Variants in KIF27 observed in about 807,000 individuals in gnomAD.
The protein encoded by KIF27 is kinesin-like protein KIF27.
In KIF27, 84 loss-of-function variants were observed where a neutral mutation model predicts 141.8. The observed-to-expected ratio is 0.59, with a 90% CI of 0.50 to 0.71. The LOEUF (loss-of-function observed/expected upper bound fraction) is 0.71. Ranked by LOEUF, KIF27 falls within the 30% of genes least tolerant of loss-of-function variation. The pLI is 0.00. For missense variants in KIF27, 1,306 were observed against 1,628.4 expected, an observed-to-expected ratio of 0.80 and a Z score of 3.41; for synonymous variants, 471 against 569.5, an observed-to-expected ratio of 0.83 and a Z score of 2.46.
chr9:83,845,055 A>G (rs419250), intron 16 of KIF27, among the ~76,000 whole-genome samples: 48,812 of 152,016 alleles, frequency 0.32, 8,657 homozygotes, highest in African/African-American at 0.48. Context: ...CACTTGGGCC[A>G]TATGACCCAG....
intron 10 of KIF27, among the ~76,000 whole-genome samples, chr9:83,881,948 C>G (rs1163388165): frequency 6.6e-6 from 1 of 152,146 alleles, no homozygotes; most frequent in African/African-American, 2.4e-5. Flanking sequence ...TAACGCTCTA[C>G]ATATACCTAA....
In KIF27 at chr9:83,870,524, G is replaced by T. The variant is rs1304226749; in HGVS notation, c.2752C>A (p.Leu918Ile). The change falls in exon 12 of 18, where the codon CTC (leucine) becomes ATC (isoleucine). Residue 918 changes from leucine (L) to isoleucine (I), a missense_variant. Around this residue, in one of 4 missense-constraint regions of KIF27, gnomAD observed 596 missense variants for 751.6 expected, o/e 0.79. Coordinates refer to ENST00000297814, the MANE Select transcript of KIF27 (RefSeq NM_017576.4). ...ACTAAATAGAATTGACAAACCTGGA[G>T]ATGGTCTATACTTCCAAACGAACCT... ...RKGSFGSIDHLQKLDEQKKWL... is the reference protein window; with the variant it reads ...RKGSFGSIDHIQKLDEQKKWL... The T allele has an allele frequency of 6.2e-7, 1 of 1,613,616 alleles. No homozygotes were observed. The highest frequency in any genetic ancestry group is 8.5e-7 in the Non-Finnish European group (1 of 1,179,774).
intron 15 of KIF27, among the ~76,000 whole-genome samples, chr9:83,850,681 G>A (rs1203971094): frequency 6.6e-6 from 1 of 151,058 alleles, no homozygotes; most frequent in Non-Finnish European, 1.5e-5. Context: ...TACTTGGGAG[G>A]CTGAAGCAGG....
chr9:83,888,629 T>C (rs1283641040), intron 7 of KIF27, 37 bp from the exon 8 acceptor site: 3 of 1,237,802 alleles, frequency 2.4e-6, no homozygotes, highest in Non-Finnish European at 3.5e-6. Context: ...TATTTGTTCG[T>C]GTTTTCTAAT....
At position 83,846,401 on chromosome 9, in the gene KIF27, T is replaced by C. The variant is rs543693613; in HGVS notation, c.3556+3698A>G. The stretch of plus-strand genomic sequence containing the variant: ...TCACCTCTGACCAAGTTACTCACTT[T>C]ATGGCTAAAGAAGTGTGGCAGTGGG... On this transcript the variant is annotated intron_variant, in intron 16 of 17. Coordinates refer to ENST00000297814, the MANE Select transcript of KIF27 (RefSeq NM_017576.4). 7.9e-5 allele frequency among the ~76,000 whole-genome samples: 12 copies of C among 152,312 alleles called. No individual in the cohort carries two copies. In the East Asian group the frequency reaches 2.3e-3, roughly 29 times the overall value.
intron 1 of KIF27, among the ~76,000 whole-genome samples, chr9:83,919,800 C>A (rs1315542300): frequency 1.3e-5 from 2 of 151,792 alleles, no homozygotes; most frequent in Non-Finnish European, 2.9e-5. Flanking sequence ...AAGGCTGAAG[C>A]GAGAGGATCC....
intron 6 of KIF27, 132 bp downstream of exon 6, chr9:83,891,163 G>T: frequency 1.6e-6 from 1 of 628,758 alleles, no homozygotes; most frequent in Non-Finnish European, 2.8e-6. Flanking sequence ...ATGCTTAAAA[G>T]AAAAGGTATA....
intron 11 of KIF27, among the ~76,000 whole-genome samples, chr9:83,878,091 G>A (rs536112274): frequency 6.7e-6 from 1 of 148,236 alleles, no homozygotes; most frequent in Admixed American, 6.9e-5. Context: ...GTGAACTCAG[G>A]AGGCGGAGCT....
chr9:83,841,875 T>G (rs1392007062), intron 17 of KIF27, among the ~76,000 whole-genome samples: 1 of 152,178 alleles, frequency 6.6e-6, no homozygotes, highest in African/African-American at 2.4e-5. Flanking sequence ...ATACAAACTT[T>G]TACTCTTACC....
chr9:83,858,685 A>G (rs1004079449), intron 14 of KIF27: 6 of 156,018 alleles, frequency 3.8e-5, no homozygotes, highest in African/African-American at 1.4e-4. Context: ...TTGGCTGGAC[A>G]TAGTATGGAC....
rs1254735173 is a variant in KIF27, at chr9:83,835,725, C to T, written c.*1276G>A. On this transcript the variant is annotated 3_prime_UTR_variant, in exon 18 of 18. Transcript: ENST00000297814. ...GAAAAGGTCTGTAGCAGCACTACAT[C>T]AGAAAAAAATGGATTCAGCAAGGAA... 1 of 152,146 alleles carries T rather than the reference C, an allele frequency of 6.6e-6. No individual in the cohort carries two copies. The highest frequency in any genetic ancestry group is 1.9e-4 in the East Asian group (1 of 5,176). The allele number at this position is 152,146 out of a possible 1,614,324, so 9.4% of individuals were successfully genotyped here.
intron 1 of KIF27, among the ~76,000 whole-genome samples, chr9:83,919,542 T>C (rs553896529): frequency 1.3e-5 from 2 of 151,664 alleles, no homozygotes; most frequent in East Asian, 3.9e-4. Flanking sequence ...TAGACTGAAA[T>C]AATATTTTAT....
Position 83,883,925 on chromosome 9 carries a change from G to A in KIF27, c.2333C>T (p.Thr778Ile), listed in dbSNP as rs551413413. ...TTCCAGCTCCTGTAGCTGCTTTTGT[G>A]TTTCAATCAGTTCGACTTTTGCCTG... ...AEQAKVELIE[T>I]QKQLQELENK... Residue 778 changes from threonine to isoleucine, a missense_variant, in exon 10 of 18, where the codon ACA becomes ATA. Around this residue, in one of 4 missense-constraint regions of KIF27, gnomAD observed 596 missense variants for 751.6 expected, o/e 0.79. Coordinates refer to ENST00000297814, the MANE Select transcript of KIF27 (RefSeq NM_017576.4). 6 of 1,613,390 alleles carry A rather than the reference G, an allele frequency of 3.7e-6. No homozygotes were observed. The South Asian group carries it at 4.4e-5, about 12-fold the overall frequency.
chr9:83,854,040 C>T (rs990300009), intron 14 of KIF27, among the ~76,000 whole-genome samples: 2 of 152,164 alleles, frequency 1.3e-5, no homozygotes, highest in African/African-American at 2.4e-5. Flanking sequence ...AACACACACA[C>T]ACAACATATT....
In KIF27 at chr9:83,880,435, C is replaced by G. The variant is rs772293053; in HGVS notation, c.2505G>C (p.Glu835Asp). 37 of 1,613,250 alleles carry G rather than the reference C, an allele frequency of 2.3e-5. 1 individual carries two copies. In the South Asian group the frequency reaches 3.7e-4, roughly 16 times the overall value. ...KKLASLSIQNEKRANELEQSV... is the reference protein window; with the variant it reads ...KKLASLSIQNDKRANELEQSV... ...TCTGCTCTAGCTCATTAGCACGTTT[C>G]TCATTTTGGATTGACAGTGATGCCA... is the stretch of plus-strand genomic sequence containing the variant. The change falls in exon 11 of 18, where the codon GAG (glutamate) becomes GAC (aspartate). Residue 835 changes from glutamate to aspartate, a missense_variant. By Grantham distance (45) the Glu-to-Asp change is conservative. This residue lies in a region of KIF27 where 596 missense variants were observed against 751.6 expected (regional missense o/e 0.79). Coordinates refer to ENST00000297814, the MANE Select transcript of KIF27 (RefSeq NM_017576.4).
chr9:83,917,030 C>T (rs184277152), intron 1 of KIF27, among the ~76,000 whole-genome samples: 1,572 of 151,716 alleles, frequency 0.01, 27 homozygotes, highest in African/African-American at 0.036. Context: ...ATGTGCACAA[C>T]GTGCAGGTTT....
At chr9:83,868,129 AT>A (rs1224563188) in intron 12 of KIF27, 4 of 313,482 alleles carry the variant, frequency 1.3e-5, no homozygotes, top group African/African-American at 8.7e-5. Context: ...AGGGCTGATA[AT>A]TTTCTATGCC....
intron 5 of KIF27, among the ~76,000 whole-genome samples, chr9:83,891,794 T>C (rs1382920464): frequency 6.6e-6 from 1 of 152,230 alleles, no homozygotes; most frequent in Non-Finnish European, 1.5e-5. Flanking sequence ...TGAAGCACTT[T>C]GATTAGCTAT....
chr9:83,843,683 T>C (rs1946854361), intron 16 of KIF27, among the ~76,000 whole-genome samples: 1 of 152,192 alleles, frequency 6.6e-6, no homozygotes, highest in Non-Finnish European at 1.5e-5. Context: ...TCATGAATTG[T>C]TTACATTGTC....
Sources: gnomAD v4.1 joint callset for allele counts (sites outside exome capture counted in the v4.1 genomes callset) on GRCh38, gnomAD v4.1.1 for gene constraint, gnomAD v4.1.1 regional missense constraint, MANE v1.5 for transcripts, NCBI Gene and HGNC (gene_info 2026-07-23, HGNC 2026-07-21) for gene names.